The following SIM1 variants were observed in gnomAD, a reference collection of about 807,000 sequenced individuals.
SIM1 encodes SIM bHLH transcription factor 1, also known as single-minded homolog 1.
A neutral mutation model predicts 78.2 loss-of-function variants in SIM1; 18 were observed. The ratio of observed to expected loss-of-function variants is 0.23; its 90% CI spans 0.16 to 0.34. The LOEUF is 0.34. SIM1 is among the 10% of genes least tolerant of loss of function. The pLI is 1.00. For missense variants in SIM1, 939 were observed against 975.1 expected, an observed-to-expected ratio of 0.96 and a Z score of 0.49; for synonymous variants, 417 against 385.2, an observed-to-expected ratio of 1.08 and a Z score of -0.97.
At position 100,390,092 on chromosome 6, in the gene SIM1, C is replaced by CAT; in HGVS notation, c.*267_*268dup. 2.0e-6 allele frequency: 1 copy of CAT among 510,494 alleles called. No homozygotes were observed. Among genetic ancestry groups the CAT allele is most frequent in the Non-Finnish European group, 3.5e-6 (1 of 289,600 alleles). The allele number at this position is 510,494 out of a possible 1,614,324, so 31.6% of individuals were successfully genotyped here. On this transcript the variant is annotated 3_prime_UTR_variant, in exon 12 of 12. Transcript: ENST00000369208. ...GTAGTATATATGCACACTTGATCTA[C>CAT]ATGAATATTTTTCAAGTCAAAATTT...
At chr6:100,399,259 C>G (rs1770849202) in intron 10 of SIM1, among the ~76,000 whole-genome samples, 1 of 151,998 alleles carries the variant, frequency 6.6e-6, no homozygotes, top group Admixed American at 6.6e-5. Context: ...GGCAATATTA[C>G]TCAACAATAA....
In SIM1 at chr6:100,387,974, C is replaced by T. The variant is rs1411413970; in HGVS notation, c.*2387G>A. 6.6e-6 allele frequency: 1 copy of T among 152,116 alleles called. No individual in the cohort carries two copies. The highest frequency in any genetic ancestry group is 2.1e-4 in the South Asian group (1 of 4,832). The allele number at this position is 152,116 out of a possible 1,614,324, so 9.4% of individuals were successfully genotyped here. ...CTGTGAAAATTACCTTTCCAAAATACACCATATTCATCAAATATTTTTTCT... is the reference window on the plus strand; with the variant it reads ...CTGTGAAAATTACCTTTCCAAAATATACCATATTCATCAAATATTTTTTCT... On this transcript the variant is annotated 3_prime_UTR_variant, in exon 12 of 12. Transcript: ENST00000369208.
chr6:100,447,323 G>T lies in SIM1; in HGVS notation c.943C>A (p.His315Asn). 9 of 1,614,252 alleles carry T rather than the reference G, an allele frequency of 5.6e-6. No individual in the cohort carries two copies. Among genetic ancestry groups the T allele is most frequent in the Non-Finnish European group, 6.8e-6 (8 of 1,180,048 alleles). Residue 315 changes from histidine (H) to asparagine (N), a missense_variant, in exon 9 of 12, where the codon CAC becomes AAC. This residue lies in a region of SIM1 where 66 missense variants were observed against 108.4 expected (regional missense o/e 0.61). Transcript: ENST00000369208. ...VWVQSYATIV[H>N]NSRSSRPHCI... ...TGTGGCCTGGAGGAGCGACTGTTGTGCACGATGGTCGCGTAGCTCTGCACC... is the reference window on the plus strand; with the variant it reads ...TGTGGCCTGGAGGAGCGACTGTTGTTCACGATGGTCGCGTAGCTCTGCACC...
Position 100,446,305 on chromosome 6 carries a change from T to G in SIM1, c.998+963A>C, listed in dbSNP as rs1051709596. ...TAGCACCCCTTCACCAACTTCCTAA[T>G]GTCTAAATAGCATTCTACTAAGTGC... On this transcript the variant is annotated intron_variant, in intron 9 of 11. Coordinates refer to ENST00000369208, the MANE Select transcript of SIM1 (RefSeq NM_005068.3). Among the ~76,000 whole-genome samples the G allele has an allele frequency of 5.9e-5, 9 of 152,154 alleles. No individual in the cohort carries two copies. The East Asian group carries it at 1.3e-3, about 23-fold the overall frequency.
chr6:100,444,255 C>T (rs1772295935), intron 9 of SIM1, among the ~76,000 whole-genome samples: 1 of 152,044 alleles, frequency 6.6e-6, no homozygotes, highest in Non-Finnish European at 1.5e-5. Context: ...TGGACTTTCC[C>T]CGACATCCTT....
intron 3 of SIM1, among the ~76,000 whole-genome samples, chr6:100,452,252 G>A (rs181562675): frequency 3.2e-4 from 48 of 152,230 alleles, no homozygotes; most frequent in African/African-American, 1.1e-3. Flanking sequence ...ATTTTAAAAG[G>A]CACTACTCTT....
chr6:100,464,296 G>T (rs1772934594), intron 1 of SIM1, among the ~76,000 whole-genome samples: 1 of 152,232 alleles, frequency 6.6e-6, no homozygotes, highest in South Asian at 2.1e-4. Flanking sequence ...CCAAGGCGAG[G>T]CAGGGGCCTT....
chr6:100,402,594 T>G, intron 10 of SIM1, among the ~76,000 whole-genome samples: 1 of 129,146 alleles, frequency 7.7e-6, no homozygotes, highest in East Asian at 3.4e-4. Context: ...TTTTTTTTTT[T>G]TGAGACGGAG....
At chr6:100,446,324 T>G (rs578020300) in intron 9 of SIM1, among the ~76,000 whole-genome samples, 6 of 152,302 alleles carry the variant, frequency 3.9e-5, no homozygotes, top group Non-Finnish European at 8.8e-5. Flanking sequence ...AGCATTCTAC[T>G]AAGTGCCTGG....
chr6:100,393,846 C>G lies in SIM1; in HGVS notation c.1211G>C (p.Ser404Thr). 6.3e-7 allele frequency: 1 copy of G among 1,595,752 alleles called. No individual in the cohort carries two copies. The highest frequency in any genetic ancestry group is 8.6e-7 in the Non-Finnish European group (1 of 1,168,566). Residue 404 changes from serine (S) to threonine (T), a missense_variant, in exon 11 of 12, where the codon AGC becomes ACC. This residue lies in a region of SIM1 where 556 missense variants were observed against 521.9 expected (regional missense o/e 1.07). Transcript: ENST00000369208. ...GGTCAAGGGACTTCCGCCCCACTGG[C>G]TGTCATGATCAGATTCCGATCTTTC... ...HTERSESDHD[S>T]QWGGSPLTDT...
At chr6:100,415,232 T>C (rs910946137) in intron 10 of SIM1, among the ~76,000 whole-genome samples, 1 of 152,220 alleles carries the variant, frequency 6.6e-6, no homozygotes, top group Admixed American at 6.5e-5. Flanking sequence ...CATGGCAAGA[T>C]AACATCCAAC....
chr6:100,449,342 G>A, intron 6 of SIM1, 21 bp downstream of exon 6: 1 of 1,605,542 alleles, frequency 6.2e-7, no homozygotes, highest in East Asian at 2.2e-5. Context: ...TCCACCCGGA[G>A]CGGATCTTCC....
chr6:100,452,757 G>C (rs1772547637), intron 3 of SIM1, among the ~76,000 whole-genome samples: 1 of 152,208 alleles, frequency 6.6e-6, no homozygotes, highest in Admixed American at 6.5e-5. Context: ...TTAGAGTTAA[G>C]TGCCTTTCTA....
chr6:100,414,095 G>A (rs1222734536), intron 10 of SIM1, among the ~76,000 whole-genome samples: 2 of 152,194 alleles, frequency 1.3e-5, no homozygotes, highest in African/African-American at 4.8e-5. Flanking sequence ...TTAATTAATG[G>A]AGAATAGTAT....
At chr6:100,417,080 A>T (rs1345275023) in intron 10 of SIM1, among the ~76,000 whole-genome samples, 2 of 152,016 alleles carry the variant, frequency 1.3e-5, no homozygotes, top group African/African-American at 4.8e-5. Context: ...ATTAAATGAC[A>T]CCAACCCTCC....
chr6:100,442,258 T>C (rs181489139), intron 9 of SIM1, among the ~76,000 whole-genome samples: 3 of 152,202 alleles, frequency 2.0e-5, no homozygotes, highest in East Asian at 3.9e-4. Context: ...AAGGAAAAAG[T>C]GTATGAAGAA....
intron 9 of SIM1, among the ~76,000 whole-genome samples, chr6:100,436,062 C>G (rs1262563295): frequency 6.6e-6 from 1 of 152,104 alleles, no homozygotes; most frequent in Non-Finnish European, 1.5e-5. Context: ...TGTCTCTCCT[C>G]CCTACCTACT....
At chr6:100,415,312 T>C (rs7771007) in intron 10 of SIM1, among the ~76,000 whole-genome samples, 2,450 of 152,274 alleles carry the variant, frequency 0.016, 60 homozygotes, top group African/African-American at 0.056. Flanking sequence ...GCAGATAAAG[T>C]CTTTGAAATA....
At chr6:100,459,112 C>T (rs1772769876) in intron 2 of SIM1, among the ~76,000 whole-genome samples, 1 of 152,156 alleles carries the variant, frequency 6.6e-6, no homozygotes, top group South Asian at 2.1e-4. Flanking sequence ...CAACAACTCC[C>T]CTAGAAATTA....
Sources: allele counts gnomAD v4.1 joint callset (sites outside exome capture counted in the v4.1 genomes callset), GRCh38; gene constraint gnomAD v4.1.1; regional missense constraint gnomAD v4.1.1; transcripts MANE v1.5; gene names NCBI Gene and HGNC (gene_info 2026-07-23, HGNC 2026-07-21).